The following KIAA0753 variants were observed in gnomAD, a reference collection of about 807,000 sequenced individuals.
The protein encoded by KIAA0753 is KIAA0753, also known as protein moonraker.
Under a neutral mutation model 116.9 loss-of-function variants are expected in KIAA0753, and 114 were observed. The ratio of observed to expected loss-of-function variants is 0.98; its 90% CI spans 0.84 to 1.14. The LOEUF is 1.14. KIAA0753 is among the 50% of genes most tolerant of loss of function. The pLI is 0.00. For missense variants in KIAA0753, 1,156 were observed against 1,172.4 expected, an observed-to-expected ratio of 0.99 and a Z score of 0.20; for synonymous variants, 405 against 413.1, an observed-to-expected ratio of 0.98 and a Z score of 0.24.
intron 17 of KIAA0753, 29 bp from the exon 18 acceptor site, chr17:6,590,032 T>G: frequency 6.8e-7 from 1 of 1,472,468 alleles, no homozygotes; most frequent in Non-Finnish European, 9.1e-7. Flanking sequence ...GATGAAAGCA[T>G]TCAAGATCAT....
At chr17:6,635,609 A>G (rs1037592050) in intron 1 of KIAA0753, 1 of 152,940 alleles carries the variant, frequency 6.5e-6, no homozygotes, top group Non-Finnish European at 1.5e-5. Context: ...CCGAAGGCAT[A>G]TAACTCTCAA....
At chr17:6,585,853 T>G (rs1968536651) in intron 18 of KIAA0753, among the ~76,000 whole-genome samples, 1 of 152,238 alleles carries the variant, frequency 6.6e-6, no homozygotes, top group African/African-American at 2.4e-5. Flanking sequence ...TATGTATCTT[T>G]TATCAAATAT....
chr17:6,607,400 G>A, intron 10 of KIAA0753, 130 bp from the exon 11 acceptor site: 1 of 682,806 alleles, frequency 1.5e-6, no homozygotes, highest in South Asian at 1.7e-5. Flanking sequence ...AAGCTACTCA[G>A]TAGGTAACAT....
chr17:6,584,187 G>A lies in KIAA0753; in HGVS notation c.2787-4323C>T, dbSNP rs114492239. Among the ~76,000 whole-genome samples the A allele has an allele frequency of 6.3e-3, 400 of 63,528 alleles. 1 individual carries two copies. Among genetic ancestry groups the A allele is most frequent in the African/African-American group, 0.029 (382 of 13,378 alleles). The allele number at this position is 63,528 out of a possible 152,430, so 41.7% of individuals were successfully genotyped here. The stretch of plus-strand genomic sequence containing the variant: ...AGCCTCTGTCCTCTGTTCTGAAAAG[G>A]CTGTCAGAAGTGCTGCTCATCTCCC... On this transcript the variant is annotated intron_variant, in intron 18 of 18. Coordinates refer to ENST00000361413, the MANE Select transcript of KIAA0753 (RefSeq NM_014804.3).
chr17:6,606,771 T>C (rs982975423), intron 12 of KIAA0753, 102 bp downstream of exon 12: 10 of 790,506 alleles, frequency 1.3e-5, no homozygotes, highest in Non-Finnish European at 2.2e-5. Context: ...TTCATTCATG[T>C]AATGAAGTTA....
At chr17:6,624,152 A>C (rs1290553083) in intron 4 of KIAA0753, 1 of 152,568 alleles carries the variant, frequency 6.6e-6, no homozygotes, top group African/African-American at 2.4e-5. Context: ...CTAATGTATA[A>C]GGCATGAAAG....
intron 2 of KIAA0753, among the ~76,000 whole-genome samples, chr17:6,630,866 A>G (rs187049386): frequency 6.6e-5 from 10 of 152,360 alleles, no homozygotes; most frequent in Non-Finnish European, 1.2e-4. Flanking sequence ...CCTTCATATA[A>G]GAAAAGAAGA....
chr17:6,610,344 A>AGGG (rs35433957), intron 8 of KIAA0753, among the ~76,000 whole-genome samples, 184 bp from the exon 9 acceptor site: 5 of 131,592 alleles, frequency 3.8e-5, no homozygotes, highest in African/African-American at 1.1e-4. Flanking sequence ...CAACCATGGT[A>AGGG]GGGGCGGGGG....
In KIAA0753 at chr17:6,615,150, G is replaced by A. The variant is rs989455501; in HGVS notation, c.1316-3002C>T. 3.3e-5 allele frequency among the ~76,000 whole-genome samples: 5 copies of A among 152,086 alleles called. No individual in the cohort carries two copies. The South Asian group carries it at 6.2e-4, about 19-fold the overall frequency. On this transcript the variant is annotated intron_variant, in intron 7 of 18. Transcript: ENST00000361413. The stretch of plus-strand genomic sequence containing the variant: ...AGGTTTCACCATATTGGTCAGTCTC[G>A]TCTCCAACTCCTGACCTCAGGTGAT...
chr17:6,619,114 A>G (rs1203066787), intron 7 of KIAA0753, among the ~76,000 whole-genome samples: 1 of 152,098 alleles, frequency 6.6e-6, no homozygotes, highest in Non-Finnish European at 1.5e-5. Context: ...CTGTAATCCC[A>G]GCTACTCAAG....
At chr17:6,611,862 G>A in intron 8 of KIAA0753, 57 bp downstream of exon 8, 1 of 1,447,204 alleles carries the variant, frequency 6.9e-7, no homozygotes, top group Non-Finnish European at 9.7e-7. Flanking sequence ...CAGTTTATGT[G>A]ACCTTGACAA....
intron 2 of KIAA0753, among the ~76,000 whole-genome samples, chr17:6,631,956 C>T (rs756557149): frequency 6.6e-6 from 1 of 152,116 alleles, no homozygotes; most frequent in Non-Finnish European, 1.5e-5. Flanking sequence ...AATCTTGGCT[C>T]ACTGCAACCT....
At chr17:6,581,277 T>TG (rs1427920423) in intron 18 of KIAA0753, among the ~76,000 whole-genome samples, 19 of 151,790 alleles carry the variant, frequency 1.3e-4, no homozygotes, top group African/African-American at 3.6e-4. Context: ...AGCCTTTTTT[T>TG]GGGGGGGTGG....
chr17:6,579,458 T>C lies in KIAA0753; in HGVS notation c.*289A>G, dbSNP rs1967982069. Reference sequence around the variant, plus strand: ...CCAAACTGAGCCAGAGGAATGAACATGGTATTTCAATAGGAAAAGTACACA... The same window carrying C: ...CCAAACTGAGCCAGAGGAATGAACACGGTATTTCAATAGGAAAAGTACACA... On this transcript the variant is annotated 3_prime_UTR_variant, in exon 19 of 19. Transcript: ENST00000361413. 6.5e-6 allele frequency: 2 copies of C among 306,730 alleles called. No individual in the cohort carries two copies. Among genetic ancestry groups the C allele is most frequent in the Non-Finnish European group, 1.2e-5 (2 of 162,406 alleles). The allele number at this position is 306,730 out of a possible 1,614,324, so 19.0% of individuals were successfully genotyped here.
Position 6,625,673 on chromosome 17 carries a change from G to A in KIAA0753, c.719-812C>T, listed in dbSNP as rs538646483. ...CAAAATGAGACTGTCTTAAAAAAGA[G>A]AAGAATTAAAAAAAAGAGAGAGAGA... On this transcript the variant is annotated intron_variant, in intron 3 of 18. Coordinates refer to ENST00000361413, the MANE Select transcript of KIAA0753 (RefSeq NM_014804.3). Among the ~76,000 whole-genome samples the A allele has an allele frequency of 7.4e-5, 10 of 135,882 alleles. No homozygotes were observed. The East Asian group carries it at 8.8e-4, about 12-fold the overall frequency. 89.1% of individuals were successfully genotyped at this position (135,882 alleles called of 152,430 possible).
chr17:6,612,541 TA>T (rs1970621392), intron 7 of KIAA0753, among the ~76,000 whole-genome samples: 1 of 152,234 alleles, frequency 6.6e-6, no homozygotes, highest in African/African-American at 2.4e-5. Flanking sequence ...GTCTTCTGGC[TA>T]CCAAAATTGT....
intron 18 of KIAA0753, among the ~76,000 whole-genome samples, chr17:6,588,799 T>C (rs1968772844): frequency 6.6e-6 from 1 of 152,128 alleles, no homozygotes; most frequent in Non-Finnish European, 1.5e-5. Context: ...TTTTAATTAT[T>C]TGTACATAAA....
At chr17:6,619,202 C>T (rs1299771087) in intron 7 of KIAA0753, among the ~76,000 whole-genome samples, 3 of 151,784 alleles carry the variant, frequency 2.0e-5, no homozygotes, top group Non-Finnish European at 4.4e-5. Flanking sequence ...GCACTCCAGC[C>T]TGGACAACGG....
At chr17:6,594,549 G>A (rs1280615425) in intron 16 of KIAA0753, among the ~76,000 whole-genome samples, 13 of 152,184 alleles carry the variant, frequency 8.5e-5, no homozygotes, top group Non-Finnish European at 5.9e-5. Flanking sequence ...CCTACGTGGC[G>A]GGGCATGAGG....
Sources: gnomAD v4.1 joint callset for allele counts (sites outside exome capture counted in the v4.1 genomes callset) on GRCh38, gnomAD v4.1.1 for gene constraint, MANE v1.5 for transcripts, NCBI Gene and HGNC (gene_info 2026-07-23, HGNC 2026-07-21) for gene names.